Variants in ACKR3 observed in about 807,000 individuals in gnomAD.
ACKR3 encodes C-X-C chemokine receptor type 7.
In ACKR3, 6 loss-of-function variants were observed where a neutral mutation model predicts 22.4. The observed-to-expected ratio is 0.27, with a 90% CI of 0.15 to 0.53. ACKR3 has a LOEUF of 0.53. Among genes scored for constraint, ACKR3 ranks in the 20% least tolerant of loss-of-function variants. The pLI, the probability that ACKR3 is intolerant of heterozygous loss-of-function variation, is 0.96. For synonymous variants in ACKR3, 209 were observed against 205.2 expected, an observed-to-expected ratio of 1.02 and a Z score of -0.16; for missense variants, 396 against 475.2, an observed-to-expected ratio of 0.83 and a Z score of 1.55.
chr2:236,573,552 C>G (rs748053099), intron 1 of ACKR3, among the ~76,000 whole-genome samples: 4 of 152,260 alleles, frequency 2.6e-5, no homozygotes, highest in African/African-American at 9.6e-5. Flanking sequence ...GGACACAGGT[C>G]TCACACTGCA....
chr2:236,581,473 C>T lies in ACKR3; in HGVS notation c.1008C>T (p.Ala336=), dbSNP rs998149905. The T allele has an allele frequency of 6.2e-7, 1 of 1,614,030 alleles. No individual in the cohort carries two copies. Among genetic ancestry groups the T allele is most frequent in the Non-Finnish European group, 8.5e-7 (1 of 1,180,040 alleles). The part of the protein sequence containing the change: ...LMKAFIFKYS[A]KTGLTKLIDA... ...AGGCCTTCATCTTCAAGTACTCGGC[C>T]AAAACAGGGCTCACCAAGCTCATCG... The change falls in exon 2 of 2, where the codon GCC becomes GCT. Residue 336 remains alanine (A), a synonymous_variant. Coordinates refer to ENST00000272928, the MANE Select transcript of ACKR3 (RefSeq NM_020311.3). The surrounding 1 kb of genome is among the most constrained non-coding windows in gnomAD (Gnocchi z 4.4).
the ACKR3 span, among the ~76,000 whole-genome samples, chr2:236,549,977 G>T: frequency 1.3e-5 from 2 of 152,216 alleles, no homozygotes; most frequent in African/African-American, 4.8e-5. This position sits in a 1 kb window ranked among gnomAD's most constrained non-coding sequence, Gnocchi z 5.3. Context: ...CCCCAACTGT[G>T]AGGGCCTATG....
chr2:236,568,344 C>T (rs1288061679), upstream of ACKR3, among the ~76,000 whole-genome samples: 1 of 152,236 alleles, frequency 6.6e-6, no homozygotes, highest in African/African-American at 2.4e-5. Context: ...GGGTCCCCCA[C>T]AAGAAAGAAA....
the ACKR3 span, among the ~76,000 whole-genome samples, chr2:236,553,599 C>T: frequency 6.6e-6 from 1 of 152,222 alleles, no homozygotes. Context: ...TGCGTAAAGT[C>T]TGAGAACCAA....
upstream of ACKR3, among the ~76,000 whole-genome samples, chr2:236,568,016 A>G (rs1373362525): frequency 1.3e-5 from 2 of 152,102 alleles, no homozygotes; most frequent in African/African-American, 4.8e-5. Context: ...AGGCTGCTGC[A>G]AGGCGGCCTC....
Position 236,576,688 on chromosome 2 carries a change from G to T in ACKR3, c.-26-3752G>T, listed in dbSNP as rs146304555. Among the ~76,000 whole-genome samples, 162 of 152,378 alleles carry T rather than the reference G, an allele frequency of 1.1e-3. 1 individual carries two copies. The highest frequency in any genetic ancestry group is 3.8e-3 in the African/African-American group (156 of 41,592). On this transcript the variant is annotated intron_variant, in intron 1 of 1. Coordinates refer to ENST00000272928, the MANE Select transcript of ACKR3 (RefSeq NM_020311.3). Reference sequence around the variant, plus strand: ...CCTGCCCACCCTAAACGTCCTGCACGCAGGCTGGGGCGGCCAGAGCCTTTG... The same window carrying T: ...CCTGCCCACCCTAAACGTCCTGCACTCAGGCTGGGGCGGCCAGAGCCTTTG...
At chr2:236,552,513 C>T in the ACKR3 span, among the ~76,000 whole-genome samples, 1 of 152,092 alleles carries the variant, frequency 6.6e-6, no homozygotes, top group Non-Finnish European at 1.5e-5. Context: ...TGATCACTAT[C>T]GTGGCAGTGA....
At chr2:236,575,387 G>T (rs1691387744) in intron 1 of ACKR3, among the ~76,000 whole-genome samples, 2 of 151,448 alleles carry the variant, frequency 1.3e-5, no homozygotes, top group South Asian at 4.2e-4. Flanking sequence ...GGGTTGTGCT[G>T]TGTGTGCGTG....
At chr2:236,551,481 T>C in the ACKR3 span, among the ~76,000 whole-genome samples, 7 of 152,048 alleles carry the variant, frequency 4.6e-5, no homozygotes, top group African/African-American at 1.7e-4. Context: ...GGCAGTGCTG[T>C]GGGTGAGCTG....
At position 236,581,232 on chromosome 2, in the gene ACKR3, C is replaced by T. The variant is rs867529709; in HGVS notation, c.767C>T (p.Ser256Phe). The part of the protein sequence containing the change: ...EKHSSRKIIF[S>F]YVVVFLVCWL... The stretch of plus-strand genomic sequence containing the variant: ...CACAGCAGCCGGAAGATCATCTTCT[C>T]CTACGTGGTGGTCTTCCTTGTCTGC... The change falls in exon 2 of 2, where the codon TCC becomes TTC. Residue 256 changes from serine to phenylalanine, a missense_variant. Physicochemically the swap from Ser to Phe is radical, Grantham distance 155. Transcript: ENST00000272928. This position sits in a 1 kb window ranked among gnomAD's most constrained non-coding sequence, Gnocchi z 4.4. 4 of 1,614,074 alleles carry T rather than the reference C, an allele frequency of 2.5e-6. No individual in the cohort carries two copies. The highest frequency in any genetic ancestry group is 3.4e-6 in the Non-Finnish European group (4 of 1,179,938).
At chr2:236,564,970 G>A (rs1474688737), upstream of ACKR3, among the ~76,000 whole-genome samples, 1 of 152,114 alleles carries the variant, frequency 6.6e-6, no homozygotes, top group African/African-American at 2.4e-5. Flanking sequence ...ACAGAAAGAT[G>A]GGAAAACATG....
chr2:236,538,791 G>A, the ACKR3 span, among the ~76,000 whole-genome samples: 1 of 152,236 alleles, frequency 6.6e-6, no homozygotes, highest in Non-Finnish European at 1.5e-5. Context: ...CATGCAGGTA[G>A]ATGTCATGCA....
chr2:236,572,419 G>C (rs569486215), intron 1 of ACKR3, among the ~76,000 whole-genome samples: 15 of 152,334 alleles, frequency 9.8e-5, no homozygotes, highest in African/African-American at 3.4e-4. Context: ...CGAGCCCAGG[G>C]CAGTGTGGGG....
the ACKR3 span, among the ~76,000 whole-genome samples, chr2:236,556,666 T>C: frequency 2.0e-5 from 3 of 152,310 alleles, no homozygotes; most frequent in South Asian, 6.2e-4. Context: ...TATCTAGAAT[T>C]GTAAGGTAAT....
chr2:236,561,876 C>T, the ACKR3 span, among the ~76,000 whole-genome samples: 3 of 152,236 alleles, frequency 2.0e-5, no homozygotes, highest in Admixed American at 2.0e-4. Context: ...TTTGTACACT[C>T]ATCAGGATTT....
the ACKR3 span, among the ~76,000 whole-genome samples, chr2:236,541,237 T>C: frequency 6.6e-6 from 1 of 152,252 alleles, no homozygotes; most frequent in Non-Finnish European, 1.5e-5. Context: ...TTCTTAACTT[T>C]CAGTCTTTTT....
rs139490851 is a variant in ACKR3 at position 236,581,032 on chromosome 2, G to T, written c.567G>T (p.Ala189=). The T allele has an allele frequency of 5.6e-6, 9 of 1,613,988 alleles. No individual in the cohort carries two copies. The highest frequency in any genetic ancestry group is 7.6e-6 in the Non-Finnish European group (9 of 1,180,042). The part of the protein sequence containing the change: ...DTYYLKTVTS[A]SNNETYCRSF... ...ACTACCTGAAGACCGTCACGTCTGC[G>T]TCCAACAATGAGACCTACTGCCGGT... The change falls in exon 2 of 2, where the codon GCG becomes GCT. Residue 189 remains alanine, a synonymous_variant. Transcript: ENST00000272928. The surrounding 1 kb of genome is among the most constrained non-coding windows in gnomAD (Gnocchi z 4.4).
At chr2:236,547,940 A>G in the ACKR3 span, among the ~76,000 whole-genome samples, 16 of 130,820 alleles carry the variant, frequency 1.2e-4, no homozygotes, top group African/African-American at 2.5e-4. Context: ...TCTTTCATCA[A>G]TTTGGAAAAC....
chr2:236,569,567 T>C (rs1691263494), upstream of ACKR3: 2 of 152,354 alleles, frequency 1.3e-5, no homozygotes, highest in South Asian at 4.2e-4. Context: ...GCTGACGTTT[T>C]CCCCCCGTGG....
Sources: gnomAD v4.1 joint callset for allele counts (sites outside exome capture counted in the v4.1 genomes callset) on GRCh38, gnomAD v4.1.1 for gene constraint, Gnocchi (gnomAD v3.1) non-coding constraint, MANE v1.5 for transcripts, NCBI Gene and HGNC (gene_info 2026-07-23, HGNC 2026-07-21) for gene names.